The following SLC2A9 variants were observed in gnomAD, a reference collection of about 807,000 sequenced individuals.
SLC2A9 encodes the protein solute carrier family 2 member 9.
A neutral mutation model predicts 50.6 loss-of-function variants in SLC2A9; 39 were observed. The ratio of observed to expected loss-of-function variants is 0.77; its 90% CI spans 0.60 to 1.01. SLC2A9 has a LOEUF of 1.01. Ranked by LOEUF, SLC2A9 falls within the 50% of genes least tolerant of loss-of-function variation. The pLI, the probability that SLC2A9 is intolerant of heterozygous loss-of-function variation, is 0.00. For synonymous variants in SLC2A9, 324 were observed against 276.9 expected, an observed-to-expected ratio of 1.17 and a Z score of -1.69; for missense variants, 686 against 677.6, an observed-to-expected ratio of 1.01 and a Z score of -0.14.
chr4:9,988,748 G>C (rs1386717381), intron 3 of SLC2A9, among the ~76,000 whole-genome samples: 1 of 152,078 alleles, frequency 6.6e-6, no homozygotes, highest in Non-Finnish European at 1.5e-5. Context: ...AGCTCTCAAG[G>C]GGAAAAAAAG....
chr4:9,902,753 G>A (rs1368285983), intron 8 of SLC2A9, among the ~76,000 whole-genome samples: 1 of 152,164 alleles, frequency 6.6e-6, no homozygotes, highest in Non-Finnish European at 1.5e-5. Context: ...AGTCGTATTG[G>A]ATTAGGGGCC....
downstream of SLC2A9, among the ~76,000 whole-genome samples, chr4:9,824,530 T>C (rs1468839429): frequency 6.6e-6 from 1 of 152,172 alleles, no homozygotes; most frequent in Non-Finnish European, 1.5e-5. Flanking sequence ...ACCCCAGTCA[T>C]CCCTGTGGCA....
chr4:9,818,240 T>C (rs1321039925), intron 3 of SLC2A9, among the ~76,000 whole-genome samples: 1 of 152,184 alleles, frequency 6.6e-6, no homozygotes, highest in Non-Finnish European at 1.5e-5. Flanking sequence ...TCTTATTTCT[T>C]CCTGGATCTG....
chr4:10,015,739 C>A (rs953971770), intron 2 of SLC2A9, among the ~76,000 whole-genome samples: 3 of 152,134 alleles, frequency 2.0e-5, no homozygotes, highest in African/African-American at 7.2e-5. Context: ...ACGAATCCAC[C>A]GGCACTTTGA....
chr4:9,942,456 TG>T (rs2110278008), intron 5 of SLC2A9, among the ~76,000 whole-genome samples: 1 of 152,218 alleles, frequency 6.6e-6, no homozygotes, highest in African/African-American at 2.4e-5. Context: ...GGAGGTGACA[TG>T]GGCACCACCG....
intron 3 of SLC2A9, among the ~76,000 whole-genome samples, chr4:9,790,572 G>A (rs1045767562): frequency 6.6e-6 from 1 of 152,142 alleles, no homozygotes; most frequent in Non-Finnish European, 1.5e-5. Context: ...GAGGGGCCTG[G>A]TTAATAAATG....
At chr4:9,804,139 A>G (rs1318801031) in intron 3 of SLC2A9, among the ~76,000 whole-genome samples, 2 of 152,244 alleles carry the variant, frequency 1.3e-5, no homozygotes, top group Non-Finnish European at 2.9e-5. Context: ...ACAATTTTAA[A>G]TCACTAGAAA....
At chr4:9,894,528 G>C (rs1489525895) in intron 8 of SLC2A9, among the ~76,000 whole-genome samples, 1 of 152,314 alleles carries the variant, frequency 6.6e-6, no homozygotes, top group African/African-American at 2.4e-5. Context: ...AGTAGATTTA[G>C]TTGAAGTGTT....
chr4:9,983,284 C>T (rs1457447389), intron 4 of SLC2A9, among the ~76,000 whole-genome samples: 1 of 152,186 alleles, frequency 6.6e-6, no homozygotes, highest in African/African-American at 2.4e-5. Flanking sequence ...TGATTTGTAC[C>T]CCCTCCCTGG....
At chr4:9,782,720 C>T in intron 3 of SLC2A9, 1 of 1,614,032 alleles carries the variant, frequency 6.2e-7, no homozygotes, top group Non-Finnish European at 8.5e-7. Flanking sequence ...CTCTTCCTCG[C>T]TCATCAGCTT....
intron 1 of SLC2A9, among the ~76,000 whole-genome samples, chr4:9,772,474 T>C (rs1318454934): frequency 6.6e-6 from 1 of 152,198 alleles, no homozygotes; most frequent in Non-Finnish European, 1.5e-5. Context: ...GCACACCTGG[T>C]CTGACCGGAG....
chr4:9,797,792 C>T (rs1340623041), downstream of SLC2A9, among the ~76,000 whole-genome samples: 1 of 152,176 alleles, frequency 6.6e-6, no homozygotes, highest in African/African-American at 2.4e-5. Flanking sequence ...CATGATCCTA[C>T]AATTTTTTTA....
chr4:9,941,552 C>T (rs534064289), intron 6 of SLC2A9, among the ~76,000 whole-genome samples: 2 of 152,090 alleles, frequency 1.3e-5, no homozygotes, highest in Non-Finnish European at 2.9e-5. Flanking sequence ...GAAGGAGGGC[C>T]GCCATGCACC....
At chr4:9,862,392 A>C (rs1340739495) in intron 10 of SLC2A9, among the ~76,000 whole-genome samples, 5 of 152,092 alleles carry the variant, frequency 3.3e-5, no homozygotes, top group Non-Finnish European at 7.3e-5. Context: ...TCGAAGCTGG[A>C]ATTTAAAGCC....
chr4:9,884,295 C>CT (rs1171565965), intron 10 of SLC2A9, among the ~76,000 whole-genome samples: 3 of 152,132 alleles, frequency 2.0e-5, no homozygotes, highest in Admixed American at 1.3e-4. Context: ...AAGAGATGGG[C>CT]TTTTTTTCTC....
intron 11 of SLC2A9, among the ~76,000 whole-genome samples, chr4:9,827,539 A>G (rs1279034061): frequency 2.0e-5 from 3 of 152,236 alleles, no homozygotes; most frequent in Non-Finnish European, 4.4e-5. Context: ...TTTGACAAAC[A>G]TTTATTTTTG....
intron 8 of SLC2A9, among the ~76,000 whole-genome samples, chr4:9,899,985 C>CA (rs1739297022): frequency 6.6e-6 from 1 of 152,020 alleles, no homozygotes; most frequent in South Asian, 2.1e-4. Context: ...TTACTCTTCT[C>CA]AAAAAAGGCA....
At chr4:9,802,842 G>A (rs1721633649) in intron 3 of SLC2A9, among the ~76,000 whole-genome samples, 1 of 152,188 alleles carries the variant, frequency 6.6e-6, no homozygotes, top group Non-Finnish European at 1.5e-5. Flanking sequence ...GGGATTACAG[G>A]CGTGAGCCAC....
At chr4:9,915,240 T>C (rs1316623654) in intron 7 of SLC2A9, among the ~76,000 whole-genome samples, 1 of 152,240 alleles carries the variant, frequency 6.6e-6, no homozygotes, top group East Asian at 1.9e-4. Context: ...GACCCCATGC[T>C]GAACTTATTT....
Sources: allele counts gnomAD v4.1 joint callset (sites outside exome capture counted in the v4.1 genomes callset), GRCh38; gene constraint gnomAD v4.1.1; transcripts MANE v1.5; gene names NCBI Gene and HGNC (gene_info 2026-07-23, HGNC 2026-07-21).